GPHN: variants seen among roughly 807,000 people sequenced by gnomAD.
GPHN encodes the protein gephyrin.
GPHN carries 17 observed loss-of-function variants against 95.5 expected under a neutral mutation model. The ratio of observed to expected loss-of-function variants is 0.18; its 90% CI spans 0.12 to 0.27. The LOEUF is 0.27. Ranked by LOEUF, GPHN falls within the 10% of genes least tolerant of loss-of-function variation. GPHN has a pLI of 1.00. For synonymous variants in GPHN, 320 were observed against 322.5 expected (o/e 0.99, Z 0.08); for missense variants, 660 against 978.1 (o/e 0.67, Z 4.34).
At chr14:67,155,428 A>G (rs966725145) in intron 18 of GPHN, among the ~76,000 whole-genome samples, 9 of 152,356 alleles carry the variant, frequency 5.9e-5, no homozygotes, top group Non-Finnish European at 1.2e-4. Flanking sequence ...ATGACTAAAA[A>G]TTAAGATAGG....
At chr14:67,447,100 A>T in the GPHN span, 1 of 152,188 alleles carries the variant, frequency 6.6e-6, no homozygotes, top group Admixed American at 6.5e-5. Flanking sequence ...TAAACAACAG[A>T]AATTTATTTC....
At chr14:67,672,380 A>G in the GPHN span, among the ~76,000 whole-genome samples, 1 of 151,866 alleles carries the variant, frequency 6.6e-6, no homozygotes, top group Non-Finnish European at 1.5e-5. Flanking sequence ...CAGCTTCCCC[A>G]AGTGCTGGGA....
At chr14:66,855,441 T>C (rs1044407318) in intron 4 of GPHN, among the ~76,000 whole-genome samples, 2 of 152,148 alleles carry the variant, frequency 1.3e-5, no homozygotes, top group African/African-American at 4.8e-5. Flanking sequence ...TTCATGCATG[T>C]TGTAGTATAT....
chr14:67,678,233 T>C, the GPHN span: 1 of 914,286 alleles, frequency 1.1e-6, no homozygotes, highest in Non-Finnish European at 1.8e-6. Context: ...GTGCTAAAGG[T>C]TTTGAAAACC....
intron 11 of GPHN, among the ~76,000 whole-genome samples, chr14:67,087,767 C>T (rs750812435): frequency 2.0e-5 from 3 of 152,184 alleles, no homozygotes; most frequent in African/African-American, 7.2e-5. Context: ...CACAGACTCA[C>T]TTATCCAGCT....
the GPHN span, chr14:67,676,870 GA>G: frequency 6.6e-6 from 1 of 152,054 alleles, no homozygotes; most frequent in Admixed American, 6.5e-5. Context: ...TAATCAAAAA[GA>G]ATTTTTATTT....
intron 2 of GPHN, among the ~76,000 whole-genome samples, chr14:66,702,743 A>G (rs769024781): frequency 2.6e-5 from 4 of 152,212 alleles, no homozygotes; most frequent in Non-Finnish European, 5.9e-5. Flanking sequence ...GCCAGAGTGC[A>G]TCTTCTCCAA....
chr14:67,200,356 C>T, the GPHN span: 1 of 637,382 alleles, frequency 1.6e-6, no homozygotes, highest in Non-Finnish European at 2.8e-6. Flanking sequence ...CCTATTACAT[C>T]TTCCCAATAT....
chr14:67,184,722 A>G (rs1245549121), downstream of GPHN, among the ~76,000 whole-genome samples: 2 of 152,186 alleles, frequency 1.3e-5, no homozygotes, highest in East Asian at 3.9e-4. Context: ...TTGAAAGTAC[A>G]GGTTAGGGGT....
chr14:67,395,778 GC>G, the GPHN span, among the ~76,000 whole-genome samples: 1 of 152,162 alleles, frequency 6.6e-6, no homozygotes, highest in Non-Finnish European at 1.5e-5. Context: ...GCCTCACACT[GC>G]AGCCTTTCCC....
At chr14:67,396,274 A>G in the GPHN span, among the ~76,000 whole-genome samples, 5 of 151,670 alleles carry the variant, frequency 3.3e-5, no homozygotes, top group Admixed American at 2.6e-4. Flanking sequence ...CAGCCTCTTG[A>G]GTAGATGGGA....
chr14:66,712,161 G>A (rs1009936709), intron 2 of GPHN, among the ~76,000 whole-genome samples: 3 of 152,164 alleles, frequency 2.0e-5, no homozygotes, highest in African/African-American at 7.2e-5. Flanking sequence ...TTGAGGAATC[G>A]CCACACTGTC....
At chr14:66,552,804 A>G (rs2059864433) in intron 1 of GPHN, among the ~76,000 whole-genome samples, 1 of 152,248 alleles carries the variant, frequency 6.6e-6, no homozygotes, top group African/African-American at 2.4e-5. Flanking sequence ...TCTCCCATAC[A>G]TGATGTCTCC....
At chr14:66,871,872 C>T (rs1178060460) in intron 4 of GPHN, among the ~76,000 whole-genome samples, 3 of 152,034 alleles carry the variant, frequency 2.0e-5, no homozygotes, top group Non-Finnish European at 2.9e-5. Flanking sequence ...CAGCAAACCA[C>T]CATTGCACAT....
chr14:66,733,626 A>G (rs2071997268), intron 2 of GPHN, among the ~76,000 whole-genome samples: 1 of 152,162 alleles, frequency 6.6e-6, no homozygotes, highest in South Asian at 2.1e-4. Flanking sequence ...ATTTACTGAT[A>G]TATTAAAATT....
chr14:67,727,024 G>GTC, the GPHN span: 1 of 1,613,574 alleles, frequency 6.2e-7, no homozygotes. Context: ...GGCTAAAGGT[G>GTC]TCTGCCCCTG....
intron 1 of GPHN, among the ~76,000 whole-genome samples, chr14:66,568,097 A>C (rs1466231657): frequency 6.6e-6 from 1 of 152,208 alleles, no homozygotes; most frequent in Non-Finnish European, 1.5e-5. Flanking sequence ...AAAAATAGGA[A>C]GTACTTTTAT....
intron 3 of GPHN, 82 bp downstream of exon 3, chr14:66,776,603 T>C (rs1407769926): frequency 2.4e-6 from 2 of 823,502 alleles, no homozygotes; most frequent in Admixed American, 3.4e-5. Flanking sequence ...CTTTATGCCA[T>C]TGATATTTGG....
chr14:67,145,760 TAA>T (rs2080862569), intron 18 of GPHN, among the ~76,000 whole-genome samples: 1 of 152,150 alleles, frequency 6.6e-6, no homozygotes, highest in African/African-American at 2.4e-5. Context: ...AACCAGTTAC[TAA>T]AAAGACAGGG....
Sources: allele counts gnomAD v4.1 joint callset (sites outside exome capture counted in the v4.1 genomes callset), GRCh38; gene constraint gnomAD v4.1.1; transcripts MANE v1.5; gene names NCBI Gene and HGNC (gene_info 2026-07-23, HGNC 2026-07-21).